The following ASIC2 variants were observed in gnomAD, a reference collection of about 807,000 sequenced individuals.
ASIC2 encodes acid sensing ion channel subunit 2, also known as acid-sensing ion channel 2.
In ASIC2, 25 loss-of-function variants were observed where a neutral mutation model predicts 57.3. The observed-to-expected ratio is 0.44, with a 90% confidence interval of 0.32 to 0.61. ASIC2 has a LOEUF of 0.61. Ranked by LOEUF, ASIC2 falls within the 20% of genes least tolerant of loss-of-function variation. The pLI, the probability that ASIC2 is intolerant of heterozygous loss-of-function variation, is 0.06. For missense variants in ASIC2, 641 were observed against 738.1 expected (o/e 0.87, Z 1.52); for synonymous variants, 319 against 307.5 (o/e 1.04, Z -0.39).
At chr17:34,003,618 G>GTGT (rs1555579933) in intron 1 of ASIC2, 4 of 151,966 alleles carry the variant, frequency 2.6e-5, no homozygotes, top group Non-Finnish European at 5.9e-5. Flanking sequence ...GGTGCTTTGC[G>GTGT]TGTTTTCTTT....
At chr17:33,876,986 G>T (rs925855703) in intron 1 of ASIC2, among the ~76,000 whole-genome samples, 1 of 152,224 alleles carries the variant, frequency 6.6e-6, no homozygotes, top group African/African-American at 2.4e-5. Flanking sequence ...CCAGGAATGT[G>T]TGCTTTGCCA....
intron 1 of ASIC2, among the ~76,000 whole-genome samples, chr17:34,126,876 T>C (rs181734390): frequency 7.0e-4 from 107 of 152,286 alleles, no homozygotes; most frequent in African/African-American, 2.4e-3. Flanking sequence ...CTGATGCTGC[T>C]AGTGCGTGAA....
intron 1 of ASIC2, among the ~76,000 whole-genome samples, chr17:33,436,850 C>CTTTTTT (rs1244300127): frequency 3.6e-4 from 27 of 76,016 alleles, no homozygotes; most frequent in East Asian, 1.1e-3. Flanking sequence ...CACATTCCAA[C>CTTTTTT]TTCTTTTTTT....
At chr17:33,378,420 GC>G (rs1222715981) in intron 1 of ASIC2, among the ~76,000 whole-genome samples, 2 of 152,078 alleles carry the variant, frequency 1.3e-5, no homozygotes, top group Admixed American at 6.5e-5. Flanking sequence ...GCAGCTGCAG[GC>G]CCTCCCATGA....
chr17:33,148,366 G>A (rs934239683), intron 1 of ASIC2, among the ~76,000 whole-genome samples: 4 of 152,208 alleles, frequency 2.6e-5, no homozygotes, highest in African/African-American at 9.6e-5. Flanking sequence ...GGCAAAGCCA[G>A]GACTCAATCA....
At chr17:33,880,279 G>A (rs963361834) in intron 1 of ASIC2, among the ~76,000 whole-genome samples, 2 of 152,016 alleles carry the variant, frequency 1.3e-5, no homozygotes, top group African/African-American at 4.8e-5. Context: ...AGGAAATAGA[G>A]ACACAAAAAA....
chr17:33,894,726 A>G (rs1050972265), intron 1 of ASIC2, among the ~76,000 whole-genome samples: 5 of 152,162 alleles, frequency 3.3e-5, no homozygotes, highest in African/African-American at 1.2e-4. Flanking sequence ...TGCTATGTTC[A>G]AGACACCTTA....
intron 1 of ASIC2, among the ~76,000 whole-genome samples, chr17:33,133,853 T>G (rs1321174381): frequency 5.3e-5 from 8 of 152,110 alleles, no homozygotes; most frequent in Admixed American, 5.2e-4. Flanking sequence ...CAGAGAGACA[T>G]CAATGCAAGG....
Position 33,165,816 on chromosome 17 carries a change from T to A in ASIC2, c.709-53749A>T, listed in dbSNP as rs967309255. Among the ~76,000 whole-genome samples the A allele has an allele frequency of 6.6e-5, 10 of 152,176 alleles. No individual in the cohort carries two copies. In the East Asian group the frequency reaches 1.7e-3, roughly 26 times the overall value. ...AGGATTTGCCTTTTAATGTAAGGAC[T>A]TACTGAGGCATTCCCTGTAGACTAA... On this transcript the variant is annotated intron_variant, in intron 1 of 9. Transcript: ENST00000225823.
chr17:34,016,844 C>G (rs1486995252), intron 1 of ASIC2, among the ~76,000 whole-genome samples: 1 of 152,168 alleles, frequency 6.6e-6, no homozygotes, highest in African/African-American at 2.4e-5. Flanking sequence ...CACAGATCAA[C>G]AACAATTGTA....
intron 1 of ASIC2, among the ~76,000 whole-genome samples, chr17:34,082,733 C>A (rs1159786735): frequency 6.6e-6 from 1 of 152,214 alleles, no homozygotes; most frequent in Non-Finnish European, 1.5e-5. Context: ...TCCTTTTGCA[C>A]AACCTCTGAA....
At chr17:33,981,014 C>T (rs1271276511) in intron 1 of ASIC2, among the ~76,000 whole-genome samples, 6 of 149,462 alleles carry the variant, frequency 4.0e-5, no homozygotes, top group Non-Finnish European at 8.9e-5. Context: ...CAGCTCACTG[C>T]AACCTCTGCC....
chr17:34,137,667 C>CT (rs1912162161), intron 1 of ASIC2, among the ~76,000 whole-genome samples: 1 of 152,154 alleles, frequency 6.6e-6, no homozygotes. Flanking sequence ...AATTGGGTAG[C>CT]TTACAAACAA....
intron 1 of ASIC2, among the ~76,000 whole-genome samples, chr17:33,959,845 C>T (rs762560967): frequency 2.0e-5 from 3 of 152,354 alleles, no homozygotes; most frequent in African/African-American, 4.8e-5. Context: ...TCCTTCAATC[C>T]GATCAAGTTG....
intron 1 of ASIC2, among the ~76,000 whole-genome samples, chr17:33,372,298 G>A (rs1909100224): frequency 1.3e-5 from 2 of 152,008 alleles, no homozygotes; most frequent in African/African-American, 4.8e-5. Context: ...GGGGCTTCTG[G>A]CTCTGCTGGC....
chr17:33,247,063 T>C (rs1455857403), intron 1 of ASIC2, among the ~76,000 whole-genome samples: 1 of 152,252 alleles, frequency 6.6e-6, no homozygotes, highest in Non-Finnish European at 1.5e-5. Flanking sequence ...TTCCACCACA[T>C]GTCAACTTCT....
intron 1 of ASIC2, among the ~76,000 whole-genome samples, chr17:33,582,677 T>G (rs1389393252): frequency 6.6e-6 from 1 of 152,190 alleles, no homozygotes; most frequent in Non-Finnish European, 1.5e-5. Flanking sequence ...TTGCAATTAT[T>G]TCACAGATGG....
At chr17:33,145,465 C>G (rs544915509) in intron 1 of ASIC2, among the ~76,000 whole-genome samples, 1 of 152,350 alleles carries the variant, frequency 6.6e-6, no homozygotes, top group Admixed American at 6.5e-5. Context: ...CTTCCCTTTC[C>G]TTGCCCAGCC....
At position 33,604,721 on chromosome 17, in the gene ASIC2, C is replaced by T. The variant is rs149913647; in HGVS notation, c.556-492654G>A. ...CCAGGTAGATGGGCACAGGAAAGAC[C>T]GCTAAAAGGAGAGGATGGAGGGGTC... On this transcript the variant is annotated intron_variant, in intron 1 of 9. Transcript: ENST00000359872. Among the ~76,000 whole-genome samples the T allele has an allele frequency of 4.2e-3, 635 of 152,104 alleles. 1 individual carries two copies. Among genetic ancestry groups the T allele is most frequent in the African/African-American group, 0.015 (609 of 41,470 alleles).
Sources: allele counts gnomAD v4.1 joint callset (sites outside exome capture counted in the v4.1 genomes callset), GRCh38; gene constraint gnomAD v4.1.1; transcripts MANE v1.5; gene names NCBI Gene and HGNC (gene_info 2026-07-23, HGNC 2026-07-21).